DISP1: variants seen among roughly 807,000 people sequenced by gnomAD.
DISP1 encodes protein dispatched homolog 1.
Under a neutral mutation model 37.3 loss-of-function variants are expected in DISP1, and 30 were observed. The ratio of observed to expected loss-of-function variants is 0.80; its 90% CI spans 0.60 to 1.09. The LOEUF is 1.09. Among genes scored for constraint, DISP1 ranks in the 50% least tolerant of loss-of-function variants. The pLI, the probability that DISP1 is intolerant of heterozygous loss-of-function variation, is 0.00. For synonymous variants in DISP1, 634 were observed against 690.2 expected, an observed-to-expected ratio of 0.92 and a Z score of 1.28; for missense variants, 1,598 against 1,879.5, an observed-to-expected ratio of 0.85 and a Z score of 2.77.
intron 1 of DISP1, among the ~76,000 whole-genome samples, chr1:222,919,614 A>C (rs1672701426): frequency 6.6e-6 from 1 of 152,238 alleles, no homozygotes; most frequent in Non-Finnish European, 1.5e-5. Flanking sequence ...TGGTAACCGT[A>C]GTAACTGTGG....
At position 223,005,731 on chromosome 1, in the gene DISP1, A is replaced by G; in HGVS notation, c.4334A>G (p.Gln1445Arg). 1 of 1,614,218 alleles carries G rather than the reference A, an allele frequency of 6.2e-7. No individual in the cohort carries two copies. The highest frequency in any genetic ancestry group is 1.1e-5 in the South Asian group (1 of 91,084). Residue 1445 changes from glutamine (Q) to arginine (R), a missense_variant, in exon 9 of 9, where the codon CAG (glutamine) becomes CGG (arginine). By Grantham distance (43) the Gln-to-Arg change is conservative. Coordinates refer to ENST00000675850, the MANE Select transcript of DISP1 (RefSeq NM_001377229.1). ...GGGAAAGTGGAGCTGAGCTTGTCAC[A>G]GACGGATGCAAGTGTGAACTCAGAA... ...AGGKVELSLS[Q>R]TDASVNSEHF...
At chr1:222,952,791 G>A (rs1183385165) in intron 3 of DISP1, among the ~76,000 whole-genome samples, 1 of 152,068 alleles carries the variant, frequency 6.6e-6, no homozygotes, top group Non-Finnish European at 1.5e-5. Context: ...TGGTTGCAGT[G>A]AGCCGAGATC....
chr1:222,941,675 G>A (rs1227347899), intron 2 of DISP1, among the ~76,000 whole-genome samples: 1 of 152,074 alleles, frequency 6.6e-6, no homozygotes, highest in African/African-American at 2.4e-5. Flanking sequence ...AATCCTCATG[G>A]GGGATCCAGG....
chr1:222,945,831 C>T (rs1386291263), intron 3 of DISP1: 7 of 152,122 alleles, frequency 4.6e-5, no homozygotes, highest in Non-Finnish European at 8.8e-5. Flanking sequence ...GAAAAGCTAA[C>T]TGCCTTCTGG....
intron 1 of DISP1, among the ~76,000 whole-genome samples, chr1:222,908,024 A>C (rs1032725292): frequency 6.6e-6 from 1 of 152,194 alleles, no homozygotes; most frequent in Non-Finnish European, 1.5e-5. Context: ...CATTGGATGT[A>C]CAGAGTTTTT....
chr1:222,900,394 T>C (rs565666519), intron 1 of DISP1, among the ~76,000 whole-genome samples: 1 of 152,314 alleles, frequency 6.6e-6, no homozygotes, highest in East Asian at 1.9e-4. Context: ...ATACAGTTAA[T>C]TTGGATTGTC....
chr1:222,820,044 C>T (rs1327538853), intron 1 of DISP1, among the ~76,000 whole-genome samples: 1 of 152,068 alleles, frequency 6.6e-6, no homozygotes, highest in Non-Finnish European at 1.5e-5. Flanking sequence ...TACCCAGTTA[C>T]CATAGCTAGT....
chr1:222,934,052 G>A (rs1359892246), intron 2 of DISP1, among the ~76,000 whole-genome samples: 6 of 151,926 alleles, frequency 3.9e-5, no homozygotes, highest in African/African-American at 1.4e-4. Context: ...ATGCTGAATT[G>A]TACCTTTTAA....
chr1:222,827,153 G>GT (rs1192721225), intron 1 of DISP1: 5 of 152,102 alleles, frequency 3.3e-5, no homozygotes, highest in Non-Finnish European at 7.4e-5. Flanking sequence ...TTAGTCTTCT[G>GT]TACCGGTAGA....
intron 1 of DISP1, among the ~76,000 whole-genome samples, chr1:222,888,385 A>ATTTCCTGTTTT (rs1670756107): frequency 6.6e-6 from 1 of 152,190 alleles, no homozygotes; most frequent in Non-Finnish European, 1.5e-5. Flanking sequence ...ATCTTTTAAA[A>ATTTCCTGTTTT]AGTTAAAAAT....
In DISP1 at chr1:223,005,793, C is replaced by T. The variant is rs1234160630; in HGVS notation, c.4396C>T (p.His1466Tyr). Residue 1466 changes from histidine (H) to tyrosine (Y), a missense_variant, in exon 9 of 9, where the codon CAT (histidine) becomes TAT (tyrosine). Physicochemically the swap from His to Tyr is moderately conservative, Grantham distance 83. Coordinates refer to ENST00000675850, the MANE Select transcript of DISP1 (RefSeq NM_001377229.1). Reference sequence around the variant, plus strand: ...GAATGAACCAAAAGTCCTATTTAATCATTTAATGGGGGAGGCTGGTTGTAG... The same window carrying T: ...GAATGAACCAAAAGTCCTATTTAATTATTTAATGGGGGAGGCTGGTTGTAG... ...NQNEPKVLFNHLMGEAGCRSC... is the reference protein window; with the variant it reads ...NQNEPKVLFNYLMGEAGCRSC... The T allele has an allele frequency of 2.5e-6, 4 of 1,614,064 alleles. No homozygotes were observed. The Admixed American group carries it at 6.7e-5, about 27-fold the overall frequency.
chr1:222,818,732 A>G (rs897095459), intron 1 of DISP1, among the ~76,000 whole-genome samples: 1 of 152,194 alleles, frequency 6.6e-6, no homozygotes, highest in African/African-American at 2.4e-5. Flanking sequence ...TACCAACATT[A>G]CGGAAGGTAA....
intron 1 of DISP1, among the ~76,000 whole-genome samples, chr1:222,891,229 G>A (rs555727141): frequency 3.9e-4 from 60 of 152,094 alleles, no homozygotes; most frequent in Non-Finnish European, 8.1e-4. Context: ...GAAGAGTGAA[G>A]TGACAATTCC....
At chr1:222,930,785 C>T (rs1348546697) in intron 2 of DISP1, among the ~76,000 whole-genome samples, 8 of 151,802 alleles carry the variant, frequency 5.3e-5, no homozygotes, top group Admixed American at 5.3e-4. Context: ...AAAGTTGCAC[C>T]CAGGCCCTTA....
rs1660810424 is a variant in DISP1, at chr1:222,815,089, A to C, written c.-159+11A>C. 1 of 152,188 alleles carries C rather than the reference A, an allele frequency of 6.6e-6. No homozygotes were observed. The highest frequency in any genetic ancestry group is 1.5e-5 in the Non-Finnish European group (1 of 68,102). The allele number at this position is 152,188 out of a possible 1,614,324, so 9.4% of individuals were successfully genotyped here. On this transcript the variant is annotated intron_variant, in intron 1 of 8. Coordinates refer to ENST00000675850, the MANE Select transcript of DISP1 (RefSeq NM_001377229.1). ...GAGCCCGGACTGGAGGTGAGTTCGC[A>C]GCCGGAACGTTGCAGGCACTTGTTT... is the stretch of plus-strand genomic sequence containing the variant.
chr1:222,964,430 A>T (rs1229714912), intron 3 of DISP1, among the ~76,000 whole-genome samples: 1 of 152,232 alleles, frequency 6.6e-6, no homozygotes, highest in Non-Finnish European at 1.5e-5. Context: ...CAAACACAAG[A>T]GAATGAAATA....
chr1:222,896,620 TA>T, intron 1 of DISP1, among the ~76,000 whole-genome samples: 1 of 143,102 alleles, frequency 7.0e-6, no homozygotes, highest in Admixed American at 6.9e-5. Context: ...AAAAAAAAGG[TA>T]AAAAGAAAAA....
At chr1:222,932,069 C>G (rs912462109) in intron 2 of DISP1, among the ~76,000 whole-genome samples, 3 of 151,856 alleles carry the variant, frequency 2.0e-5, no homozygotes, top group African/African-American at 7.3e-5. Context: ...AGTACCAGGT[C>G]CAACTGTTTT....
intron 4 of DISP1, among the ~76,000 whole-genome samples, chr1:222,986,616 TCATC>T (rs1315308341): frequency 1.8e-4 from 28 of 152,326 alleles, no homozygotes; most frequent in East Asian, 1.2e-3. Flanking sequence ...GATCCATGGT[TCATC>T]CACGAACGCA....
Sources: allele counts gnomAD v4.1 joint callset (sites outside exome capture counted in the v4.1 genomes callset), GRCh38; gene constraint gnomAD v4.1.1; transcripts MANE v1.5; gene names NCBI Gene and HGNC (gene_info 2026-07-23, HGNC 2026-07-21).